ACYP2: variants seen among roughly 807,000 people sequenced by gnomAD.
The protein encoded by ACYP2 is acylphosphatase-2.
In ACYP2, 12 loss-of-function variants were observed where a neutral mutation model predicts 11.2. That is an observed-to-expected ratio of 1.08 (90% CI 0.69 to 1.74). ACYP2 has a LOEUF of 1.74. Among genes scored for constraint, ACYP2 ranks in the 40% most tolerant of loss-of-function variants. ACYP2 has a pLI of 0.00. For missense variants in ACYP2, 134 were observed against 101.9 expected, an observed-to-expected ratio of 1.31 and a Z score of -1.35; for synonymous variants, 43 against 32.2, an observed-to-expected ratio of 1.33 and a Z score of -1.13.
At chr2:54,127,510 T>C (rs1680598913) in intron 4 of ACYP2, among the ~76,000 whole-genome samples, 1 of 152,034 alleles carries the variant, frequency 6.6e-6, no homozygotes, top group Non-Finnish European at 1.5e-5. Context: ...AGTGGGTGGA[T>C]CATGAGGTCA....
intron 2 of ACYP2, among the ~76,000 whole-genome samples, chr2:54,031,790 A>G (rs373130744): frequency 6.6e-6 from 1 of 151,998 alleles, no homozygotes; most frequent in Non-Finnish European, 1.5e-5. Context: ...AGCACCTGTT[A>G]TTTCCTGACT....
At chr2:53,988,104 C>G (rs1672117450) in intron 2 of ACYP2, among the ~76,000 whole-genome samples, 1 of 152,090 alleles carries the variant, frequency 6.6e-6, no homozygotes, top group Non-Finnish European at 1.5e-5. Context: ...GTGTTGCGCA[C>G]CTGTAATCCC....
At chr2:54,030,538 A>C (rs1049418502) in intron 2 of ACYP2, 7 of 154,368 alleles carry the variant, frequency 4.5e-5, no homozygotes, top group African/African-American at 1.7e-4. Flanking sequence ...TGTGACTGTC[A>C]TGCAGCCCCG....
chr2:54,263,028 G>A (rs1687849607), intron 6 of ACYP2, among the ~76,000 whole-genome samples: 1 of 152,096 alleles, frequency 6.6e-6, no homozygotes, highest in South Asian at 2.1e-4. Context: ...TGTCCAGCGT[G>A]GACAAGGTAG....
At chr2:54,018,798 AG>A (rs1421102925) in intron 2 of ACYP2, among the ~76,000 whole-genome samples, 11 of 152,130 alleles carry the variant, frequency 7.2e-5, no homozygotes, top group African/African-American at 2.7e-4. Flanking sequence ...CCCAAGCTGG[AG>A]TGCAATGGCT....
Position 54,286,027 on chromosome 2 carries a change from A to G in ACYP2, c.405-18661A>G, listed in dbSNP as rs76257345. On this transcript the variant is annotated intron_variant, in intron 6 of 6. Transcript: ENST00000607452. The stretch of plus-strand genomic sequence containing the variant: ...TGACTTATGATAGGGTTATGTACCA[A>G]TAAACCCATTGTAAGTTGAAAATAC... Among the ~76,000 whole-genome samples, 1,125 of 152,364 alleles carry G rather than the reference A, an allele frequency of 7.4e-3. 16 individuals carry two copies. Among genetic ancestry groups the G allele is most frequent in the African/African-American group, 0.025 (1,060 of 41,580 alleles).
At chr2:54,301,022 A>T (rs1191026291) in intron 6 of ACYP2, among the ~76,000 whole-genome samples, 11 of 152,084 alleles carry the variant, frequency 7.2e-5, no homozygotes, top group Admixed American at 7.2e-4. Flanking sequence ...TGCTTGTGTT[A>T]TTTGCCCATT....
chr2:54,116,385 A>G (rs1435665340), intron 4 of ACYP2, among the ~76,000 whole-genome samples: 1 of 152,056 alleles, frequency 6.6e-6, no homozygotes, highest in Non-Finnish European at 1.5e-5. Context: ...AACATCCACC[A>G]TCTTCATTTA....
chr2:54,001,385 T>C (rs1672791164), intron 2 of ACYP2, among the ~76,000 whole-genome samples: 1 of 152,132 alleles, frequency 6.6e-6, no homozygotes, highest in Non-Finnish European at 1.5e-5. Context: ...AAATAACAAA[T>C]TTAAAAATAT....
At chr2:54,084,528 G>C (rs1450029013) in intron 4 of ACYP2, 2 of 152,200 alleles carry the variant, frequency 1.3e-5, no homozygotes, top group African/African-American at 4.8e-5. Context: ...CTGACCTCAA[G>C]TGATCCACCT....
intron 6 of ACYP2, among the ~76,000 whole-genome samples, chr2:54,294,108 C>T (rs77855328): frequency 0.019 from 2,920 of 152,258 alleles, 26 homozygotes; most frequent in Middle Eastern, 0.048. Context: ...GCTGAAGAGA[C>T]ATCTGAAAGG....
chr2:54,012,788 G>A (rs1673447060), intron 2 of ACYP2, among the ~76,000 whole-genome samples: 1 of 152,150 alleles, frequency 6.6e-6, no homozygotes, highest in South Asian at 2.1e-4. Flanking sequence ...AGCAGCCAGA[G>A]TTTTCCTATT....
chr2:54,241,407 C>G (rs1686724811), intron 6 of ACYP2, among the ~76,000 whole-genome samples: 1 of 152,128 alleles, frequency 6.6e-6, no homozygotes, highest in South Asian at 2.1e-4. Flanking sequence ...GAAGTATGCA[C>G]TCAGGTGCTC....
chr2:54,259,787 T>G (rs1425268815), intron 6 of ACYP2, among the ~76,000 whole-genome samples: 3 of 152,216 alleles, frequency 2.0e-5, no homozygotes. Flanking sequence ...CAAGCTACTT[T>G]CAGTGGAGTG....
intron 6 of ACYP2, among the ~76,000 whole-genome samples, chr2:54,154,053 T>C (rs867275719): frequency 7.0e-6 from 1 of 142,420 alleles, no homozygotes; most frequent in Non-Finnish European, 1.6e-5. Flanking sequence ...TCTCCTAAGG[T>C]TTTTTTTTTT....
chr2:54,027,155 A>T (rs1021835789), intron 2 of ACYP2, among the ~76,000 whole-genome samples: 1 of 152,196 alleles, frequency 6.6e-6, no homozygotes, highest in Non-Finnish European at 1.5e-5. Context: ...CTCAGAACAT[A>T]ATGTCCAGAA....
At chr2:54,098,192 C>G (rs1338756888) in intron 4 of ACYP2, among the ~76,000 whole-genome samples, 1 of 152,092 alleles carries the variant, frequency 6.6e-6, no homozygotes, top group African/African-American at 2.4e-5. Context: ...TGGTCTTGAG[C>G]TCCTGACCTT....
At chr2:53,979,321 A>G (rs1671641431) in intron 2 of ACYP2, among the ~76,000 whole-genome samples, 1 of 152,072 alleles carries the variant, frequency 6.6e-6, no homozygotes, top group African/African-American at 2.4e-5. Context: ...TTTAAAATAG[A>G]AAAGCACATA....
intron 6 of ACYP2, among the ~76,000 whole-genome samples, chr2:54,189,530 T>G (rs1476900526): frequency 6.6e-6 from 1 of 152,218 alleles, no homozygotes; most frequent in Non-Finnish European, 1.5e-5. Flanking sequence ...TATTCTATAG[T>G]ATTCTATAGA....
Sources: gnomAD v4.1 joint callset for allele counts (sites outside exome capture counted in the v4.1 genomes callset) on GRCh38, gnomAD v4.1.1 for gene constraint, MANE v1.5 for transcripts, NCBI Gene and HGNC (gene_info 2026-07-23, HGNC 2026-07-21) for gene names.